Variants in OSBPL9 observed in about 807,000 individuals in gnomAD.
OSBPL9 encodes oxysterol binding protein like 9.
A neutral mutation model predicts 106.6 loss-of-function variants in OSBPL9; 40 were observed. That is an observed-to-expected ratio of 0.38 (90% CI 0.29 to 0.49). The LOEUF is 0.49. OSBPL9 is among the 20% of genes least tolerant of loss of function. The pLI is 0.97. For synonymous variants in OSBPL9, 269 were observed against 295.4 expected (o/e 0.91, Z 0.92); for missense variants, 609 against 887.2 (o/e 0.69, Z 3.98).
At chr1:51,766,109 A>G (rs994662930) in intron 12 of OSBPL9, 128 bp downstream of exon 12, 3 of 968,258 alleles carry the variant, frequency 3.1e-6, no homozygotes, top group Non-Finnish European at 4.3e-6. Context: ...TAAAAGGGCA[A>G]CCTTTTTAAT....
At chr1:51,704,186 G>A (rs1657927312) in intron 3 of OSBPL9, among the ~76,000 whole-genome samples, 1 of 152,066 alleles carries the variant, frequency 6.6e-6, no homozygotes, top group African/African-American at 2.4e-5. Context: ...TTTTTCTATT[G>A]ATTGGAATAG....
intron 1 of OSBPL9, among the ~76,000 whole-genome samples, chr1:51,625,752 G>A (rs1205870491): frequency 1.3e-5 from 2 of 152,050 alleles, no homozygotes; most frequent in Non-Finnish European, 2.9e-5. Flanking sequence ...TCAAACTCCT[G>A]AGCTTAAGCA....
At chr1:51,643,850 G>A (rs1282870413) in intron 1 of OSBPL9, among the ~76,000 whole-genome samples, 1 of 151,944 alleles carries the variant, frequency 6.6e-6, no homozygotes, top group African/African-American at 2.4e-5. Flanking sequence ...GGAGGCTGAG[G>A]TGGGTAGATC....
chr1:51,562,502 A>G, the OSBPL9 span, among the ~76,000 whole-genome samples: 2 of 152,198 alleles, frequency 1.3e-5, no homozygotes, highest in Non-Finnish European at 2.9e-5. Flanking sequence ...CTTTATAGCA[A>G]TGCAAGAATG....
chr1:51,536,881 T>C, the OSBPL9 span, among the ~76,000 whole-genome samples: 2 of 152,234 alleles, frequency 1.3e-5, no homozygotes, highest in Non-Finnish European at 2.9e-5. Context: ...GTGTTCACTT[T>C]GATCAGCGGA....
At chr1:51,662,169 G>A (rs1484474834) in intron 2 of OSBPL9, among the ~76,000 whole-genome samples, 2 of 152,182 alleles carry the variant, frequency 1.3e-5, no homozygotes, top group Non-Finnish European at 2.9e-5. Flanking sequence ...TAGAGGATTG[G>A]ACAGCTGAAT....
At chr1:51,785,779 C>G (rs1557878488) in intron 20 of OSBPL9, 29 bp from the exon 21 acceptor site, 4 of 1,593,464 alleles carry the variant, frequency 2.5e-6, no homozygotes, top group Non-Finnish European at 2.6e-6. Flanking sequence ...CAACTTGAGA[C>G]TAACACAAGT....
At chr1:51,738,328 A>G (rs986928633) in intron 4 of OSBPL9, among the ~76,000 whole-genome samples, 1 of 152,096 alleles carries the variant, frequency 6.6e-6, no homozygotes. Context: ...TTCCTGTACC[A>G]GATTTTAGCT....
intron 1 of OSBPL9, among the ~76,000 whole-genome samples, chr1:51,593,512 G>A (rs1645286469): frequency 6.6e-6 from 1 of 152,058 alleles, no homozygotes; most frequent in South Asian, 2.1e-4. Context: ...AGATGCCACT[G>A]CTGGCTGTAT....
chr1:51,600,444 A>C (rs1645321079), intron 2 of OSBPL9, among the ~76,000 whole-genome samples: 1 of 152,242 alleles, frequency 6.6e-6, no homozygotes, highest in Admixed American at 6.5e-5. Flanking sequence ...AAAGCATTTA[A>C]AGATATATTT....
At chr1:51,604,520 T>C (rs1429699963) in intron 2 of OSBPL9, among the ~76,000 whole-genome samples, 1 of 151,566 alleles carries the variant, frequency 6.6e-6, no homozygotes, top group Non-Finnish European at 1.5e-5. Flanking sequence ...CCCACCATTA[T>C]ACTCCCGCCT....
intron 1 of OSBPL9, among the ~76,000 whole-genome samples, chr1:51,588,247 C>T (rs899697539): frequency 1.3e-5 from 2 of 151,992 alleles, no homozygotes; most frequent in African/African-American, 2.4e-5. Flanking sequence ...CCAGGCATGG[C>T]GGCGCATGCC....
intron 4 of OSBPL9, chr1:51,724,696 C>A (rs1380391395): frequency 6.6e-6 from 1 of 152,548 alleles, no homozygotes. Context: ...GGATTTTTTT[C>A]TTTATCTTTG....
the OSBPL9 span, chr1:51,519,306 G>C: frequency 1.8e-6 from 1 of 553,338 alleles, no homozygotes; most frequent in Non-Finnish European, 2.7e-6. Context: ...GGCGGAGGGA[G>C]CGGCCGCAGG....
the OSBPL9 span, among the ~76,000 whole-genome samples, chr1:51,560,607 G>C: frequency 6.6e-6 from 1 of 152,148 alleles, no homozygotes; most frequent in Non-Finnish European, 1.5e-5. Flanking sequence ...CTGGGGCCTT[G>C]AGCCACTCTC....
At chr1:51,652,404 T>G (rs1012716062) in intron 2 of OSBPL9, among the ~76,000 whole-genome samples, 2 of 152,250 alleles carry the variant, frequency 1.3e-5, no homozygotes, top group African/African-American at 4.8e-5. Context: ...CTGCCGCTGC[T>G]TTGTTTTTCC....
intron 23 of OSBPL9, 37 bp from the exon 24 acceptor site, chr1:51,787,678 C>A (rs746090065): frequency 6.2e-7 from 1 of 1,602,518 alleles, no homozygotes. Context: ...AAGTACAAAG[C>A]AAATATGTAA....
chr1:51,598,414 C>T (rs114978622), intron 2 of OSBPL9, among the ~76,000 whole-genome samples: 1,680 of 152,312 alleles, frequency 0.011, 30 homozygotes, highest in African/African-American at 0.037. Flanking sequence ...TCAATATCAG[C>T]ACTATTGACA....
chr1:51,758,767 A>G (rs1299797843), intron 9 of OSBPL9, among the ~76,000 whole-genome samples: 1 of 152,178 alleles, frequency 6.6e-6, no homozygotes, highest in Admixed American at 6.5e-5. Flanking sequence ...TCACTGCTAT[A>G]TATCAAAGCG....
Sources: gnomAD v4.1 joint callset for allele counts (sites outside exome capture counted in the v4.1 genomes callset) on GRCh38, gnomAD v4.1.1 for gene constraint, MANE v1.5 for transcripts, NCBI Gene and HGNC (gene_info 2026-07-23, HGNC 2026-07-21) for gene names.